Variants in TNIK observed in about 807,000 individuals in gnomAD.
TNIK encodes TRAF2 and NCK interacting kinase.
Under a neutral mutation model 191.3 loss-of-function variants are expected in TNIK, and 49 were observed. The observed-to-expected ratio is 0.26, with a 90% CI of 0.20 to 0.32. The LOEUF (loss-of-function observed/expected upper bound fraction) is 0.32, where lower values mean the gene tolerates loss of function less well. TNIK is among the 10% of genes least tolerant of loss of function. TNIK has a pLI of 1.00. For synonymous variants in TNIK, 594 were observed against 600.9 expected, an observed-to-expected ratio of 0.99 and a Z score of 0.17; for missense variants, 1,155 against 1,702.3, an observed-to-expected ratio of 0.68 and a Z score of 5.66.
chr3:171,398,330 A>G (rs971719340), intron 1 of TNIK, among the ~76,000 whole-genome samples: 12 of 152,240 alleles, frequency 7.9e-5, no homozygotes, highest in African/African-American at 2.7e-4. Context: ...CAGAGCTAAT[A>G]GCATCACATT....
chr3:171,157,668 T>C lies in TNIK; in HGVS notation c.1017-4A>G. On this transcript the variant is annotated splice_region_variant and splice_polypyrimidine_tract_variant and intron_variant, in intron 11 of 32. Transcript: ENST00000436636. ...CCCTGGCAGATTCAGGATGGAGCTG[T>C]GGGTAGGAGAGAGTGATCAGGATCC... 6.4e-7 allele frequency: 1 copy of C among 1,553,140 alleles called. No homozygotes were observed. Among genetic ancestry groups the C allele is most frequent in the East Asian group, 2.4e-5 (1 of 40,968 alleles).
At chr3:171,289,203 T>C (rs1396758225) in intron 2 of TNIK, among the ~76,000 whole-genome samples, 1 of 152,210 alleles carries the variant, frequency 6.6e-6, no homozygotes, top group Non-Finnish European at 1.5e-5. Flanking sequence ...CACCTGGTTC[T>C]GCAAAGACTA....
At chr3:171,282,898 G>A (rs1466994002) in intron 2 of TNIK, among the ~76,000 whole-genome samples, 1 of 152,120 alleles carries the variant, frequency 6.6e-6, no homozygotes, top group Non-Finnish European at 1.5e-5. Flanking sequence ...ACAGACCTGG[G>A]CAATTGCTGC....
intron 1 of TNIK, among the ~76,000 whole-genome samples, chr3:171,417,151 T>C (rs975200525): frequency 3.9e-5 from 6 of 152,252 alleles, no homozygotes; most frequent in Non-Finnish European, 7.3e-5. Flanking sequence ...TAATTTTATA[T>C]ATTTCATGAA....
At chr3:171,457,079 G>T (rs892736801) in intron 1 of TNIK, among the ~76,000 whole-genome samples, 27 of 152,160 alleles carry the variant, frequency 1.8e-4, no homozygotes, top group Admixed American at 6.5e-5. Context: ...CATCCCTCAA[G>T]ATTTAGTTTA....
intron 2 of TNIK, among the ~76,000 whole-genome samples, chr3:171,284,618 A>T (rs1162387764): frequency 6.6e-6 from 1 of 151,816 alleles, no homozygotes; most frequent in African/African-American, 2.4e-5. Context: ...TAAAAAAAAA[A>T]TAAAAAATAA....
chr3:171,115,441 G>A (rs907523265), intron 18 of TNIK, among the ~76,000 whole-genome samples: 1 of 152,230 alleles, frequency 6.6e-6, no homozygotes, highest in African/African-American at 2.4e-5. Flanking sequence ...ACAATAGGGA[G>A]CATGGCAAAA....
At chr3:171,355,562 A>G (rs1416788941) in intron 2 of TNIK, among the ~76,000 whole-genome samples, 1 of 152,210 alleles carries the variant, frequency 6.6e-6, no homozygotes, top group East Asian at 1.9e-4. Context: ...AAAGAAGAGG[A>G]CACACTGTCC....
At chr3:171,155,778 A>C (rs570185537) in intron 12 of TNIK, among the ~76,000 whole-genome samples, 10 of 152,206 alleles carry the variant, frequency 6.6e-5, no homozygotes, top group Non-Finnish European at 1.0e-4. Flanking sequence ...AGGATAAAAG[A>C]CTATAGACAT....
intron 28 of TNIK, 44 bp from the exon 29 acceptor site, chr3:171,071,367 C>A: frequency 7.4e-7 from 1 of 1,354,594 alleles, no homozygotes; most frequent in South Asian, 1.3e-5. Flanking sequence ...TCAATTTACT[C>A]AAGTTCTTTG....
chr3:171,110,700 A>G lies in TNIK; in HGVS notation c.2284+14T>C. On this transcript the variant is annotated intron_variant, in intron 19 of 32. Coordinates refer to ENST00000436636, the MANE Select transcript of TNIK (RefSeq NM_015028.4). ...CAGGCAGTATTGCCAGGTAAAGGTA[A>G]GAGAAAGTTTTACCTCGAACTCTGG... is the stretch of plus-strand genomic sequence containing the variant. 6.4e-7 allele frequency: 1 copy of G among 1,574,440 alleles called. No homozygotes were observed. The highest frequency in any genetic ancestry group is 8.6e-7 in the Non-Finnish European group (1 of 1,159,144).
At position 171,276,326 on chromosome 3, in the gene TNIK, G is replaced by A. The variant is rs141048767; in HGVS notation, c.124-48105C>T. 7.2e-5 allele frequency among the ~76,000 whole-genome samples: 11 copies of A among 152,302 alleles called. No individual in the cohort carries two copies. In the East Asian group the frequency reaches 2.1e-3, roughly 29 times the overall value. Reference sequence around the variant, plus strand: ...TTCAGGAACCAGTGGATCTGAAGGAGGAACTTCCAGAGTGACAGGTAAGCA... The same window carrying A: ...TTCAGGAACCAGTGGATCTGAAGGAAGAACTTCCAGAGTGACAGGTAAGCA... On this transcript the variant is annotated intron_variant, in intron 2 of 32. Transcript: ENST00000436636.
At chr3:171,279,813 CAG>C (rs1750218255) in intron 2 of TNIK, among the ~76,000 whole-genome samples, 1 of 152,100 alleles carries the variant, frequency 6.6e-6, no homozygotes, top group Non-Finnish European at 1.5e-5. Context: ...AACTGAATTA[CAG>C]AGAGATTATT....
At chr3:171,365,203 A>T (rs901679705) in intron 2 of TNIK, among the ~76,000 whole-genome samples, 6 of 34,880 alleles carry the variant, frequency 1.7e-4, no homozygotes, top group Non-Finnish European at 3.6e-4. Flanking sequence ...TTTTTTTGAG[A>T]CAGAGTTTCG....
At chr3:171,336,737 C>G (rs1048410874) in intron 2 of TNIK, among the ~76,000 whole-genome samples, 3 of 152,190 alleles carry the variant, frequency 2.0e-5, no homozygotes, top group Non-Finnish European at 4.4e-5. Context: ...TACCAACCAA[C>G]AGTGATAGAT....
At chr3:171,150,091 T>C (rs1358696193) in intron 12 of TNIK, among the ~76,000 whole-genome samples, 2 of 152,212 alleles carry the variant, frequency 1.3e-5, no homozygotes, top group Non-Finnish European at 2.9e-5. Context: ...TTTTCCTGTC[T>C]CCTTCTTGTG....
intron 1 of TNIK, among the ~76,000 whole-genome samples, chr3:171,413,011 T>C (rs1376459625): frequency 1.3e-5 from 2 of 152,226 alleles, no homozygotes; most frequent in Non-Finnish European, 2.9e-5. Context: ...GGCGAGAATT[T>C]CCTCTCCAGA....
chr3:171,432,722 T>C (rs1410402253), intron 1 of TNIK, among the ~76,000 whole-genome samples: 1 of 152,184 alleles, frequency 6.6e-6, no homozygotes, highest in African/African-American at 2.4e-5. Context: ...TTTTAAGCAA[T>C]GTGAAGCCTC....
intron 1 of TNIK, among the ~76,000 whole-genome samples, chr3:171,431,710 A>G (rs1403595610): frequency 6.6e-6 from 1 of 152,172 alleles, no homozygotes; most frequent in East Asian, 1.9e-4. Flanking sequence ...AAATTGGTAA[A>G]ATCATTATTC....
Sources: gnomAD v4.1 joint callset for allele counts (sites outside exome capture counted in the v4.1 genomes callset) on GRCh38, gnomAD v4.1.1 for gene constraint, MANE v1.5 for transcripts, NCBI Gene and HGNC (gene_info 2026-07-23, HGNC 2026-07-21) for gene names.